NBDY: variants seen among roughly 807,000 people sequenced by gnomAD.
The protein encoded by NBDY is P-body dissociating protein.
intron 2 of NBDY, chrX:56,810,900 G>T (rs776332018): frequency 9.0e-6 from 1 of 111,477 alleles, no homozygotes; most frequent in Admixed American, 9.5e-5. Context: ...TCTACCTTTG[G>T]TCTTTGAAGT....
intron 2 of NBDY, among the ~76,000 whole-genome samples, chrX:56,744,480 A>G (rs1042215940): frequency 9.0e-6 from 1 of 110,678 alleles, no homozygotes. Flanking sequence ...CCATTGTTTT[A>G]CTCATTCACT....
chrX:56,782,832 C>G (rs183132000), intron 2 of NBDY, among the ~76,000 whole-genome samples: 122 of 111,792 alleles, frequency 1.1e-3, no homozygotes, highest in African/African-American at 3.8e-3. Flanking sequence ...ACCCACAGAC[C>G]ACAGACACAG....
intron 2 of NBDY, among the ~76,000 whole-genome samples, chrX:56,760,176 A>G (rs1189742004): frequency 8.9e-6 from 1 of 112,984 alleles, no homozygotes; most frequent in Non-Finnish European, 1.9e-5. Flanking sequence ...GGTGGGGGGA[A>G]ACCCTGCCTT....
At chrX:56,800,984 A>C (rs1350465743) in intron 2 of NBDY, among the ~76,000 whole-genome samples, 1 of 110,707 alleles carries the variant, frequency 9.0e-6, no homozygotes, top group Non-Finnish European at 1.9e-5. Flanking sequence ...GTACTTCCCT[A>C]CCCAGGCCTT....
intron 2 of NBDY, among the ~76,000 whole-genome samples, chrX:56,815,673 G>T (rs1034241437): frequency 8.9e-5 from 10 of 111,852 alleles, no homozygotes; most frequent in Admixed American, 1.9e-4. Context: ...TGTTTTGGTG[G>T]ACACATTTGC....
intron 2 of NBDY, among the ~76,000 whole-genome samples, chrX:56,807,256 C>G (rs372800638): frequency 4.5e-5 from 5 of 112,024 alleles, no homozygotes; most frequent in African/African-American, 1.6e-4. Flanking sequence ...GTGATGCTTC[C>G]AGCTTTGTTC....
At chrX:56,737,428 C>G (rs879062909) in intron 2 of NBDY, 3 of 658,652 alleles carry the variant, frequency 4.6e-6, no homozygotes, top group South Asian at 2.3e-5. Context: ...TCTCAGGAAG[C>G]CTTCTTATGG....
chrX:56,741,462 G>A (rs917263636), intron 2 of NBDY, among the ~76,000 whole-genome samples: 10 of 111,838 alleles, frequency 8.9e-5, no homozygotes, highest in African/African-American at 3.2e-4. Flanking sequence ...CCCATCAACA[G>A]TGTACAAGCA....
intron 2 of NBDY, among the ~76,000 whole-genome samples, chrX:56,790,230 G>A (rs2069754365): frequency 8.9e-6 from 1 of 112,538 alleles, no homozygotes; most frequent in Non-Finnish European, 1.9e-5. Context: ...GCAGCAGTAT[G>A]GAACACACAG....
chrX:56,750,378 G>A (rs745404292), intron 2 of NBDY, among the ~76,000 whole-genome samples: 2 of 110,905 alleles, frequency 1.8e-5, no homozygotes, highest in Non-Finnish European at 3.8e-5. Context: ...TACCTCCTCA[G>A]CCTAGATCCT....
At chrX:56,759,757 C>T (rs1432213058) in intron 2 of NBDY, among the ~76,000 whole-genome samples, 1 of 111,781 alleles carries the variant, frequency 8.9e-6, no homozygotes, top group Non-Finnish European at 1.9e-5. Context: ...TGCTTATTCC[C>T]AGGATGGCGC....
chrX:56,759,808 G>C (rs1024789839), intron 2 of NBDY, among the ~76,000 whole-genome samples: 1 of 111,709 alleles, frequency 9.0e-6, no homozygotes, highest in African/African-American at 3.3e-5. Context: ...GGCAGGCAGG[G>C]GCACCCCACC....
chrX:56,737,571 C>G, intron 2 of NBDY: 1 of 709,137 alleles, frequency 1.4e-6, no homozygotes, highest in South Asian at 2.5e-5. Flanking sequence ...GCCTGCTTGC[C>G]AGCCATTTTG....
At chrX:56,808,331 G>T (rs1188017096) in intron 2 of NBDY, among the ~76,000 whole-genome samples, 1 of 111,810 alleles carries the variant, frequency 8.9e-6, no homozygotes, top group Non-Finnish European at 1.9e-5. Context: ...CAGAAGGAAT[G>T]GTACCAGCTC....
At chrX:56,788,118 A>G (rs992349002) in intron 2 of NBDY, among the ~76,000 whole-genome samples, 1 of 112,668 alleles carries the variant, frequency 8.9e-6, no homozygotes, top group African/African-American at 3.2e-5. Context: ...GGCTGCCTCC[A>G]TAGCATTCCC....
At position 56,737,237 on chromosome X, in the gene NBDY, C is replaced by T. The variant is rs1450002640; in HGVS notation, c.*166+5038C>T. 3.0e-6 allele frequency: 3 copies of T among 1,010,190 alleles called. No individual in the cohort carries two copies. The Admixed American group carries it at 6.6e-5, about 22-fold the overall frequency. 83.3% of individuals were successfully genotyped at this position (1,010,190 alleles called of 1,213,427 possible). A position where few individuals can be genotyped will look rare whatever the true frequency, so the allele number is the denominator to read the frequency against. On this transcript the variant is annotated intron_variant, in intron 2 of 2. Coordinates refer to ENST00000374922, the MANE Select transcript of NBDY (RefSeq NM_001348129.2). ...CAGCTGCATCCACAGACTTCAACTA[C>T]ATGATTACTTCTTTGCCCATTCTTC... is the stretch of plus-strand genomic sequence containing the variant.
chrX:56,731,290 G>T (rs1372324481), intron 1 of NBDY, among the ~76,000 whole-genome samples: 1 of 109,370 alleles, frequency 9.1e-6, no homozygotes, highest in Non-Finnish European at 1.9e-5. Context: ...CGGGCGCAGT[G>T]GCTCACGCCT....
chrX:56,785,973 C>T (rs1002083447), intron 2 of NBDY, among the ~76,000 whole-genome samples: 1 of 111,587 alleles, frequency 9.0e-6, no homozygotes, highest in Non-Finnish European at 1.9e-5. Context: ...AACAGGCTTA[C>T]TTTTCCTAAG....
At chrX:56,791,405 A>G (rs2069762292) in intron 2 of NBDY, among the ~76,000 whole-genome samples, 2 of 111,414 alleles carry the variant, frequency 1.8e-5, no homozygotes, top group African/African-American at 6.5e-5. Context: ...ATTCATCCCC[A>G]TTTATTATCT....
Sources: gnomAD v4.1 joint callset for allele counts (sites outside exome capture counted in the v4.1 genomes callset) on GRCh38, gnomAD v4.1.1 for gene constraint, MANE v1.5 for transcripts, NCBI Gene and HGNC (gene_info 2026-07-23, HGNC 2026-07-21) for gene names.